CSMD1: variants seen among roughly 807,000 people sequenced by gnomAD.
CSMD1 encodes CUB and sushi domain-containing protein 1.
Under a neutral mutation model 417.5 loss-of-function variants are expected in CSMD1, and 213 were observed. The ratio of observed to expected loss-of-function variants is 0.51; its 90% CI spans 0.46 to 0.57. The LOEUF (loss-of-function observed/expected upper bound fraction) is 0.57, where lower values mean the gene tolerates loss of function less well. Ranked by LOEUF, CSMD1 falls within the 20% of genes least tolerant of loss-of-function variation. The probability of loss-of-function intolerance (pLI) is 0.00; values close to 1 mark genes in which losing one functional copy is unlikely to be tolerated. For missense variants in CSMD1, 6,923 were observed against 4,529.7 expected, an observed-to-expected ratio of 1.53 and a Z score of -15.17; for synonymous variants, 2,862 against 1,736.8, an observed-to-expected ratio of 1.65 and a Z score of -16.11.
intron 2 of CSMD1, among the ~76,000 whole-genome samples, chr8:4,564,446 G>A (rs992293084): frequency 1.3e-5 from 2 of 152,190 alleles, no homozygotes; most frequent in African/African-American, 4.8e-5. Context: ...AGGGGATCTA[G>A]TGTCTGGTGA....
chr8:2,967,213 C>T (rs1478637532), intron 57 of CSMD1, among the ~76,000 whole-genome samples: 1 of 152,204 alleles, frequency 6.6e-6, no homozygotes, highest in Non-Finnish European at 1.5e-5. Context: ...TCCTATTTTA[C>T]ATCTCCAGGA....
At chr8:4,176,211 C>T (rs1798033267) in intron 3 of CSMD1, among the ~76,000 whole-genome samples, 1 of 152,008 alleles carries the variant, frequency 6.6e-6, no homozygotes, top group Non-Finnish European at 1.5e-5. Flanking sequence ...TTGGATGTGG[C>T]TCTGTAGGCT....
intron 3 of CSMD1, among the ~76,000 whole-genome samples, chr8:4,279,790 G>C (rs895140208): frequency 4.6e-5 from 7 of 152,216 alleles, no homozygotes; most frequent in African/African-American, 1.4e-4. Flanking sequence ...AGGAGGCCAG[G>C]AGTGTTGGAT....
intron 3 of CSMD1, among the ~76,000 whole-genome samples, chr8:4,108,431 G>T (rs953054875): frequency 6.6e-6 from 1 of 152,148 alleles, no homozygotes; most frequent in African/African-American, 2.4e-5. Context: ...CTGCCATGTT[G>T]TTCATCATTT....
At chr8:4,146,593 CATTTTTTTTT>C (rs1321830053) in intron 3 of CSMD1, among the ~76,000 whole-genome samples, 6 of 90,762 alleles carry the variant, frequency 6.6e-5, no homozygotes, top group East Asian at 6.3e-4. Context: ...TATATGGACA[CATTTTTTTTT>C]TTTTTTTTTT....
chr8:4,605,975 G>A (rs1487871135), intron 2 of CSMD1, among the ~76,000 whole-genome samples: 1 of 152,154 alleles, frequency 6.6e-6, no homozygotes, highest in Non-Finnish European at 1.5e-5. Flanking sequence ...CAGAGCCAAT[G>A]GACAAAGCCA....
chr8:3,594,583 G>T (rs1055726859), intron 8 of CSMD1, among the ~76,000 whole-genome samples: 1 of 152,150 alleles, frequency 6.6e-6, no homozygotes, highest in Admixed American at 6.5e-5. Context: ...CTACCTTCCT[G>T]TTTTGAAGTT....
chr8:3,870,580 C>A (rs1181166268), intron 5 of CSMD1, among the ~76,000 whole-genome samples: 1 of 152,280 alleles, frequency 6.6e-6, no homozygotes, highest in East Asian at 1.9e-4. Context: ...CTATTTGTAA[C>A]AGAGGATCTC....
chr8:4,640,511 T>C lies in CSMD1; in HGVS notation c.86-2953A>G, dbSNP rs575406565. On this transcript the variant is annotated intron_variant, in intron 1 of 69. Coordinates refer to ENST00000635120, the MANE Select transcript of CSMD1 (RefSeq NM_033225.6). ...TTAAAGCTAATATGGTAGTCCTCTTTTCTCTTGGATCTTATACTCTAATGG... is the reference window on the plus strand; with the variant it reads ...TTAAAGCTAATATGGTAGTCCTCTTCTCTCTTGGATCTTATACTCTAATGG... Among the ~76,000 whole-genome samples the C allele has an allele frequency of 2.2e-4, 34 of 152,316 alleles. No homozygotes were observed. The South Asian group carries it at 6.8e-3, about 31-fold the overall frequency.
intron 3 of CSMD1, among the ~76,000 whole-genome samples, chr8:4,097,059 A>T (rs1025854276): frequency 6.6e-6 from 1 of 152,140 alleles, no homozygotes; most frequent in Admixed American, 6.5e-5. Context: ...CTCATTCATA[A>T]ATGTTTACTC....
chr8:4,551,601 G>A (rs1052754889), intron 2 of CSMD1, among the ~76,000 whole-genome samples: 3 of 152,118 alleles, frequency 2.0e-5, no homozygotes, highest in African/African-American at 7.2e-5. Flanking sequence ...TCAAGATGCT[G>A]CCATCAAATC....
intron 2 of CSMD1, among the ~76,000 whole-genome samples, chr8:4,460,662 G>T (rs569680148): frequency 1.5e-5 from 2 of 131,116 alleles, no homozygotes; most frequent in South Asian, 2.1e-4. Flanking sequence ...TTAAGAAGAA[G>T]ACTGTAAGAG....
At chr8:3,257,468 T>G (rs536948457) in intron 26 of CSMD1, among the ~76,000 whole-genome samples, 11 of 152,252 alleles carry the variant, frequency 7.2e-5, no homozygotes, top group African/African-American at 2.6e-4. Context: ...AACCAAGTAA[T>G]AAATGAAATA....
At chr8:3,549,343 T>C (rs1419736687) in intron 10 of CSMD1, among the ~76,000 whole-genome samples, 5 of 152,216 alleles carry the variant, frequency 3.3e-5, no homozygotes. Context: ...CCAGCTTCTG[T>C]TCTAGGCCAA....
At position 4,778,797 on chromosome 8, in the gene CSMD1, G is replaced by C. The variant is rs528977872; in HGVS notation, c.86-141239C>G. 5.9e-5 allele frequency among the ~76,000 whole-genome samples: 9 copies of C among 152,302 alleles called. No homozygotes were observed. The East Asian group carries it at 1.5e-3, about 26-fold the overall frequency. ...GGAGAACATAACATACACTTCATTA[G>C]GGCTGCTTAGAATAGCAGATGAGAT... On this transcript the variant is annotated intron_variant, in intron 1 of 69. Coordinates refer to ENST00000635120, the MANE Select transcript of CSMD1 (RefSeq NM_033225.6).
At chr8:4,001,446 G>C (rs772711395) in intron 4 of CSMD1, among the ~76,000 whole-genome samples, 1 of 152,166 alleles carries the variant, frequency 6.6e-6, no homozygotes, top group Non-Finnish European at 1.5e-5. Flanking sequence ...GTGGATATGA[G>C]TTAACTGGTA....
intron 5 of CSMD1, among the ~76,000 whole-genome samples, chr8:3,832,767 T>A (rs573751832): frequency 6.6e-6 from 1 of 152,310 alleles, no homozygotes; most frequent in East Asian, 1.9e-4. Flanking sequence ...ATCAGATTTT[T>A]AACTTTCCAT....
intron 5 of CSMD1, among the ~76,000 whole-genome samples, chr8:3,942,099 T>G (rs1424672564): frequency 1.3e-5 from 2 of 151,904 alleles, no homozygotes; most frequent in African/African-American, 4.8e-5. Context: ...TGTGAGAATC[T>G]AATGCCTGAT....
Position 3,308,610 on chromosome 8 carries a change from G to A in CSMD1, c.3632-107C>T, listed in dbSNP as rs1029143501. On this transcript the variant is annotated intron_variant, in intron 23 of 69. Coordinates refer to ENST00000635120, the MANE Select transcript of CSMD1 (RefSeq NM_033225.6). The stretch of plus-strand genomic sequence containing the variant: ...CTAAATGCTCCTTGAAGGGTAGGGA[G>A]AAAAAAGGAGATTGTGAATTTACAA... The A allele has an allele frequency of 1.8e-5, 14 of 766,356 alleles. No individual in the cohort carries two copies. The Admixed American group carries it at 2.9e-4, about 16-fold the overall frequency. The allele number at this position is 766,356 out of a possible 1,614,324, so 47.5% of individuals were successfully genotyped here.
Sources: gnomAD v4.1 joint callset for allele counts (sites outside exome capture counted in the v4.1 genomes callset) on GRCh38, gnomAD v4.1.1 for gene constraint, MANE v1.5 for transcripts, NCBI Gene and HGNC (gene_info 2026-07-23, HGNC 2026-07-21) for gene names.